MRPL9: variants seen among roughly 807,000 people sequenced by gnomAD.
The protein encoded by MRPL9 is large ribosomal subunit protein bL9m.
A neutral mutation model predicts 27.6 loss-of-function variants in MRPL9; 25 were observed. The observed-to-expected ratio is 0.91, with a 90% CI of 0.66 to 1.27. The LOEUF (loss-of-function observed/expected upper bound fraction) is 1.27. Ranked by LOEUF, MRPL9 falls within the 50% of genes most tolerant of loss-of-function variation. MRPL9 has a pLI of 0.00. For synonymous variants in MRPL9, 154 were observed against 139.0 expected (o/e 1.11, Z -0.76); for missense variants, 362 against 338.0 (o/e 1.07, Z -0.56).
intron 4 of MRPL9, 148 bp downstream of exon 4, chr1:151,761,957 C>T (rs532922180): frequency 2.5e-4 from 186 of 757,568 alleles, no homozygotes; most frequent in Non-Finnish European, 3.7e-4. Flanking sequence ...AAGAGGTCTC[C>T]ATACCTGTTT....
Position 151,763,390 on chromosome 1 carries a change from C to T in MRPL9, c.90G>A (p.Leu30=). Residue 30 remains leucine, a synonymous_variant, in exon 1 of 7, where the codon CTG becomes CTA. Coordinates refer to ENST00000368830, the MANE Select transcript of MRPL9 (RefSeq NM_031420.4). ...GGGCGTTCCCTTCATGTCGCGGCCG[C>T]AGTAGCTCCTGGACGCCTCCCCGAA... ...RLLRGGVQEL[L]RPRHEGNAPD... is the part of the protein sequence containing the mutation. 1.9e-6 allele frequency: 3 copies of T among 1,567,868 alleles called. No homozygotes were observed. The highest frequency in any genetic ancestry group is 2.6e-6 in the Non-Finnish European group (3 of 1,155,590).
rs776190559 is a variant in MRPL9 at position 151,761,489 on chromosome 1, G to A, written c.550C>T (p.Leu184=). Residue 184 remains leucine (L), a synonymous_variant, in exon 5 of 7, where the codon CTG becomes TTG. Coordinates refer to ENST00000368830, the MANE Select transcript of MRPL9 (RefSeq NM_031420.4). ...VGMKNNVKWE[L]NPEIVARHFF... is the part of the protein sequence containing the mutation. ...TGGCGGGCAACTATTTCAGGGTTCAGCTCCCATTTGACATTGTTCTTCATC... is the reference window on the plus strand; with the variant it reads ...TGGCGGGCAACTATTTCAGGGTTCAACTCCCATTTGACATTGTTCTTCATC... The A allele has an allele frequency of 6.2e-7, 1 of 1,613,956 alleles. No individual in the cohort carries two copies. Among genetic ancestry groups the A allele is most frequent in the Non-Finnish European group, 8.5e-7 (1 of 1,179,862 alleles).
At position 151,762,415 on chromosome 1, in the gene MRPL9, T is replaced by C. The variant is rs776106077; in HGVS notation, c.396A>G (p.Ala132=). The change falls in exon 3 of 7, where the codon GCA becomes GCG. Residue 132 remains alanine, a synonymous_variant. Coordinates refer to ENST00000368830, the MANE Select transcript of MRPL9 (RefSeq NM_031420.4). ...RLLPQGLAVY[A]SPENKKLFEE... ...CAAACAGCTTCTTGTTTTCAGGGGA[T>C]GCATATACAGCCAGTCCCTGAGGAA... 2.5e-6 allele frequency: 4 copies of C among 1,614,228 alleles called. No individual in the cohort carries two copies. The Admixed American group carries it at 6.7e-5, about 27-fold the overall frequency.
At position 151,763,117 on chromosome 1, in the gene MRPL9, C is replaced by T. The variant is rs1361267181; in HGVS notation, c.183G>A (p.Lys61=). ...TCCGGCCCTCCCCGGCCAGCGGTAC[C>T]TTCCACCAGCGCTCCACGATGACCG... ...RGTVIVERWW[K]VPLAGEGRKP... Residue 61 remains lysine (K), a synonymous_variant, in exon 2 of 7, where the codon AAG becomes AAA. Coordinates refer to ENST00000368830, the MANE Select transcript of MRPL9 (RefSeq NM_031420.4). The T allele has an allele frequency of 1.2e-6, 2 of 1,613,920 alleles. No homozygotes were observed. Among genetic ancestry groups the T allele is most frequent in the Non-Finnish European group, 1.7e-6 (2 of 1,179,914 alleles).
Position 151,762,115 on chromosome 1 carries a change from G to A in MRPL9, c.476C>T (p.Ala159Val), listed in dbSNP as rs1293901097. 31 of 1,614,148 alleles carry A rather than the reference G, an allele frequency of 1.9e-5. No homozygotes were observed. Among genetic ancestry groups the A allele is most frequent in the Non-Finnish European group, 2.5e-5 (30 of 1,179,982 alleles). ...EGKLEKIQTK[A>V]GEATVKFLKS... ...TATGTTTCTACTCACCGCCTCACCT[G>A]CCTTGGTCTGGATCTTCTCTAATTT... Residue 159 changes from alanine to valine, a missense_variant, in exon 4 of 7, where the codon GCA becomes GTA. Ala to Val is a moderately conservative substitution (Grantham distance 64, BLOSUM62 0). Transcript: ENST00000368830.
intron 4 of MRPL9, among the ~76,000 whole-genome samples, 191 bp from the exon 5 acceptor site, chr1:151,761,743 C>T (rs1648093234): frequency 6.6e-6 from 1 of 152,136 alleles, no homozygotes; most frequent in Admixed American, 6.5e-5. Flanking sequence ...CCTGTCTCTA[C>T]CAAAAATACA....
intron 2 of MRPL9, 185 bp downstream of exon 2, chr1:151,762,805 T>C (rs1648162801): frequency 1.2e-6 from 1 of 809,430 alleles, no homozygotes; most frequent in South Asian, 1.8e-5. Context: ...CCTTTATGTT[T>C]TAATTTTCAA....
At position 151,760,722 on chromosome 1, in the gene MRPL9, G is replaced by C. The variant is rs979213255; in HGVS notation, c.672+94C>G. 1.1e-5 allele frequency: 13 copies of C among 1,158,664 alleles called. No homozygotes were observed. In the Admixed American group the frequency reaches 2.0e-4, roughly 18 times the overall value. The allele number at this position is 1,158,664 out of a possible 1,614,324, so 71.8% of individuals were successfully genotyped here. A position where few individuals can be genotyped will look rare whatever the true frequency, so the allele number is the denominator to read the frequency against. On this transcript the variant is annotated intron_variant, in intron 6 of 6. Coordinates refer to ENST00000368830, the MANE Select transcript of MRPL9 (RefSeq NM_031420.4). ...GGAGTTTGAATCCAGCCTGGGCAAT[G>C]AAACAAAACCCTGTCTTTAAGAGAA...
At chr1:151,761,043 C>A in intron 5 of MRPL9, 144 bp from the exon 6 acceptor site, 1 of 683,088 alleles carries the variant, frequency 1.5e-6, no homozygotes. Context: ...CTGGCTGATT[C>A]CATGGGAGAG....
chr1:151,762,262 G>T, intron 3 of MRPL9, 107 bp from the exon 4 acceptor site: 1 of 1,569,972 alleles, frequency 6.4e-7, no homozygotes, highest in Admixed American at 1.7e-5. Flanking sequence ...CTGCATTCCT[G>T]TTCTTCTAGT....
chr1:151,761,469 G>A lies in MRPL9; in HGVS notation c.570C>T (p.Ala190=), dbSNP rs768294117. 2.5e-6 allele frequency: 4 copies of A among 1,613,618 alleles called. No homozygotes were observed. In the Admixed American group the frequency reaches 6.7e-5, roughly 27 times the overall value. The part of the protein sequence containing the change: ...VKWELNPEIV[A]RHFFKNLGVV... Reference sequence around the variant, plus strand: ...CACTCACATTCTTAAAGAAGTGGCGGGCAACTATTTCAGGGTTCAGCTCCC... The same window carrying A: ...CACTCACATTCTTAAAGAAGTGGCGAGCAACTATTTCAGGGTTCAGCTCCC... The change falls in exon 5 of 7, where the codon GCC becomes GCT. Residue 190 remains alanine, a synonymous_variant. Coordinates refer to ENST00000368830, the MANE Select transcript of MRPL9 (RefSeq NM_031420.4).
intron 2 of MRPL9, 85 bp downstream of exon 2, chr1:151,762,905 G>T: frequency 6.7e-7 from 1 of 1,483,358 alleles, no homozygotes; most frequent in East Asian, 2.3e-5. Flanking sequence ...GAAAAAGCAA[G>T]GCAAATAGTT....
At chr1:151,760,576 CAAAAAAAA>C (rs11454049) in intron 6 of MRPL9, among the ~76,000 whole-genome samples, 2 of 50,342 alleles carry the variant, frequency 4.0e-5, no homozygotes, top group African/African-American at 8.7e-5. Flanking sequence ...GACTCCAGCT[CAAAAAAAA>C]AAAAAAAAAA....
At chr1:151,760,297 G>T (rs1648005826) in intron 6 of MRPL9, 116 bp from the exon 7 acceptor site, 1 of 1,354,686 alleles carries the variant, frequency 7.4e-7, no homozygotes, top group Non-Finnish European at 1.0e-6. Context: ...GAGAGCTAGG[G>T]CTGGGCACAG....
Position 151,762,121 on chromosome 1 carries a change from G to T in MRPL9, c.470C>A (p.Thr157Asn). The T allele has an allele frequency of 1.2e-6, 2 of 1,614,140 alleles. No individual in the cohort carries two copies. The highest frequency in any genetic ancestry group is 1.7e-4 in the Middle Eastern group (1 of 6,058). Residue 157 changes from threonine (T) to asparagine (N), a missense_variant, in exon 4 of 7, where the codon ACC (threonine) becomes AAC (asparagine). By Grantham distance (65) the Thr-to-Asn change is moderately conservative. Transcript: ENST00000368830. ...TCTACTCACCGCCTCACCTGCCTTGGTCTGGATCTTCTCTAATTTTCCTTC... is the reference window on the plus strand; with the variant it reads ...TCTACTCACCGCCTCACCTGCCTTGTTCTGGATCTTCTCTAATTTTCCTTC... ...RQEGKLEKIQ[T>N]KAGEATVKFL...
At position 151,760,837 on chromosome 1, in the gene MRPL9, G is replaced by A. The variant is rs755154290; in HGVS notation, c.651C>T (p.Gly217=). The A allele has an allele frequency of 9.5e-6, 15 of 1,581,652 alleles. No individual in the cohort carries two copies. The highest frequency in any genetic ancestry group is 2.9e-5 in the African/African-American group (2 of 68,952). ...KLPEEPITRW[G]EYWCEVTVNG... is the part of the protein sequence containing the mutation. Reference sequence around the variant, plus strand: ...TCACCGTCACCTCACACCAATACTCGCCCCACCGTGTGATAGGCTCTTCTG... The same window carrying A: ...TCACCGTCACCTCACACCAATACTCACCCCACCGTGTGATAGGCTCTTCTG... Residue 217 remains glycine, a synonymous_variant, in exon 6 of 7, where the codon GGC becomes GGT. Transcript: ENST00000368830.
Sources: allele counts gnomAD v4.1 joint callset (sites outside exome capture counted in the v4.1 genomes callset), GRCh38; gene constraint gnomAD v4.1.1; transcripts MANE v1.5; gene names NCBI Gene and HGNC (gene_info 2026-07-23, HGNC 2026-07-21).